RASA1: variants seen among roughly 807,000 people sequenced by gnomAD.
RASA1 encodes ras GTPase-activating protein 1.
RASA1 carries 25 observed loss-of-function variants against 132.2 expected under a neutral mutation model. The ratio of observed to expected loss-of-function variants is 0.19; its 90% confidence interval spans 0.14 to 0.26. The LOEUF is 0.26. RASA1 is among the 10% of genes least tolerant of loss of function. RASA1 has a pLI of 1.00. For synonymous variants in RASA1, 477 were observed against 449.9 expected (o/e 1.06, Z -0.76); for missense variants, 964 against 1,299.2 (o/e 0.74, Z 3.97).
intron 11 of RASA1, among the ~76,000 whole-genome samples, chr5:87,365,621 T>G (rs1580361197): frequency 6.6e-6 from 1 of 152,130 alleles, no homozygotes; most frequent in African/African-American, 2.4e-5. Flanking sequence ...TAATTAGCCT[T>G]AATGTACAGA....
rs534168333 is a variant in RASA1, at chr5:87,364,097, T to C, written c.1610+593T>C. On this transcript the variant is annotated intron_variant, in intron 11 of 24. Transcript: ENST00000274376. ...CCTTTACCTTTCACCATTAGTATTA[T>C]CAGTAATCCATCCCAGTCTTTTTAG... Among the ~76,000 whole-genome samples, 10 of 152,250 alleles carry C rather than the reference T, an allele frequency of 6.6e-5. No homozygotes were observed. The South Asian group carries it at 2.1e-3, about 32-fold the overall frequency.
chr5:87,270,498 C>A, intron 1 of RASA1, among the ~76,000 whole-genome samples: 1 of 151,212 alleles, frequency 6.6e-6, no homozygotes. Context: ...CAGGCGCATG[C>A]CACCATGTCT....
At chr5:87,298,265 C>T (rs906191369) in intron 1 of RASA1, among the ~76,000 whole-genome samples, 13 of 151,812 alleles carry the variant, frequency 8.6e-5, no homozygotes, top group South Asian at 2.1e-4. Flanking sequence ...AAAAATTAGC[C>T]GGGCATGGTG....
At chr5:87,386,588 CTTA>C (rs1370939485) in intron 22 of RASA1, among the ~76,000 whole-genome samples, 1 of 151,914 alleles carries the variant, frequency 6.6e-6, no homozygotes, top group Non-Finnish European at 1.5e-5. Context: ...TAGCCATTTG[CTTA>C]TATACTAGAA....
At position 87,268,243 on chromosome 5, in the gene RASA1, C is replaced by A; in HGVS notation, c.-209C>A. 1.4e-6 allele frequency: 1 copy of A among 710,868 alleles called. No homozygotes were observed. The highest frequency in any genetic ancestry group is 2.2e-6 in the Non-Finnish European group (1 of 449,182). 44.0% of individuals were successfully genotyped at this position (710,868 alleles called of 1,614,324 possible). ...GTGCAGGCGTTGGGTTTTTTGCCCA[C>A]TTGGCTTCCCGTAACCCAGGCAGCT... On this transcript the variant is annotated 5_prime_UTR_variant, in exon 1 of 25. Coordinates refer to ENST00000274376, the MANE Select transcript of RASA1 (RefSeq NM_002890.3).
At chr5:87,313,121 A>AGT (rs1447314281) in intron 1 of RASA1, among the ~76,000 whole-genome samples, 2 of 152,156 alleles carry the variant, frequency 1.3e-5, no homozygotes, top group Non-Finnish European at 2.9e-5. Flanking sequence ...GGGAGTTCAG[A>AGT]GTAGGGGAGG....
intron 1 of RASA1, among the ~76,000 whole-genome samples, chr5:87,320,387 A>T (rs1408113462): frequency 1.3e-5 from 2 of 152,202 alleles, no homozygotes. Context: ...TACTGCTACA[A>T]AGAACTACCT....
Position 87,338,019 on chromosome 5 carries a change from T to C in RASA1, c.945T>C (p.Asp315=). The part of the protein sequence containing the change: ...DMFIVHNELE[D]GWMWVTNLRT... ...TCATTGTTCATAATGAATTAGAAGA[T>C]GGATGGATGTGGGTTACAAATTTAA... is the stretch of plus-strand genomic sequence containing the variant. The change falls in exon 5 of 25, where the codon GAT becomes GAC. Residue 315 remains aspartate, a synonymous_variant. Transcript: ENST00000274376. The C allele has an allele frequency of 3.7e-6, 6 of 1,611,940 alleles. No individual in the cohort carries two copies. The highest frequency in any genetic ancestry group is 5.1e-6 in the Non-Finnish European group (6 of 1,178,920).
At chr5:87,379,945 T>C (rs1761593789) in intron 19 of RASA1, 95 bp downstream of exon 19, 1 of 1,238,844 alleles carries the variant, frequency 8.1e-7, no homozygotes, top group Non-Finnish European at 1.2e-6. Context: ...GTTGTCCTAA[T>C]ATTATTATAC....
At chr5:87,357,348 C>T (rs1051394687) in intron 9 of RASA1, among the ~76,000 whole-genome samples, 2 of 151,998 alleles carry the variant, frequency 1.3e-5, no homozygotes, top group African/African-American at 2.4e-5. Context: ...CTCCAGATGA[C>T]GGATCCTGCC....
intron 18 of RASA1, among the ~76,000 whole-genome samples, chr5:87,379,354 A>G (rs1274327442): frequency 6.6e-6 from 1 of 152,170 alleles, no homozygotes; most frequent in Admixed American, 6.6e-5. Context: ...CTCTGCTGAC[A>G]CTAGATCAGA....
At chr5:87,290,060 A>G (rs1163797273) in intron 1 of RASA1, among the ~76,000 whole-genome samples, 1 of 152,220 alleles carries the variant, frequency 6.6e-6, no homozygotes, top group Non-Finnish European at 1.5e-5. Flanking sequence ...TGGAGCAGTC[A>G]TCTTGACTTT....
rs1346830342 is a variant in RASA1 at position 87,308,508 on chromosome 5, C to T, written c.540-22840C>T. Among the ~76,000 whole-genome samples the T allele has an allele frequency of 3.3e-5, 5 of 151,986 alleles. No individual in the cohort carries two copies. The East Asian group carries it at 9.6e-4, about 29-fold the overall frequency. On this transcript the variant is annotated intron_variant, in intron 1 of 24. Coordinates refer to ENST00000274376, the MANE Select transcript of RASA1 (RefSeq NM_002890.3). ...GCAAGTAATGTGACAAGTATTATAA[C>T]TATTATTAAAAAACAAAATAATGAA...
At chr5:87,346,782 C>G in intron 7 of RASA1, 58 bp downstream of exon 7, 1 of 1,314,254 alleles carries the variant, frequency 7.6e-7, no homozygotes, top group South Asian at 1.2e-5. Flanking sequence ...AAAAAGTGAA[C>G]AAACCATTTA....
chr5:87,318,912 A>G (rs992854966), intron 1 of RASA1: 2 of 152,270 alleles, frequency 1.3e-5, no homozygotes, highest in Non-Finnish European at 2.9e-5. Flanking sequence ...AAAATAAAAA[A>G]CAAGTTAGTT....
At chr5:87,365,205 G>A (rs769044502) in intron 11 of RASA1, among the ~76,000 whole-genome samples, 4 of 152,094 alleles carry the variant, frequency 2.6e-5, no homozygotes, top group Non-Finnish European at 5.9e-5. Flanking sequence ...TGAGATACTA[G>A]TGGTTGTAAA....
At chr5:87,354,449 A>G (rs914068352) in intron 9 of RASA1, among the ~76,000 whole-genome samples, 1 of 152,040 alleles carries the variant, frequency 6.6e-6, no homozygotes, top group African/African-American at 2.4e-5. Context: ...TACTATTGCA[A>G]TTGTTTTGGG....
At chr5:87,289,427 T>C (rs1411357452) in intron 1 of RASA1, among the ~76,000 whole-genome samples, 1 of 152,160 alleles carries the variant, frequency 6.6e-6, no homozygotes, top group Non-Finnish European at 1.5e-5. Context: ...ACCTGAATCA[T>C]TTATTTTCTT....
intron 8 of RASA1, among the ~76,000 whole-genome samples, chr5:87,350,991 C>T (rs1490502266): frequency 4.0e-5 from 6 of 151,356 alleles, no homozygotes; most frequent in Non-Finnish European, 7.4e-5. Context: ...AATCTTTGTG[C>T]TTATTGTTTA....
Sources: allele counts gnomAD v4.1 joint callset (sites outside exome capture counted in the v4.1 genomes callset), GRCh38; gene constraint gnomAD v4.1.1; transcripts MANE v1.5; gene names NCBI Gene and HGNC (gene_info 2026-07-23, HGNC 2026-07-21).